Variants in VPS13B observed in about 807,000 individuals in gnomAD.
VPS13B encodes the protein vacuolar protein sorting 13 homolog B.
In VPS13B, 285 loss-of-function variants were observed where a neutral mutation model predicts 426.4. The ratio of observed to expected loss-of-function variants is 0.67; its 90% CI spans 0.61 to 0.74. The LOEUF (loss-of-function observed/expected upper bound fraction) is 0.74, where lower values mean the gene tolerates loss of function less well. Among genes scored for constraint, VPS13B ranks in the 30% least tolerant of loss-of-function variants. VPS13B has a pLI of 0.00. For missense variants in VPS13B, 4,537 were observed against 4,782.6 expected (o/e 0.95, Z 1.51); for synonymous variants, 1,676 against 1,676.4 (o/e 1.00, Z 0.01).
At chr8:99,403,233 C>A (rs983496784) in intron 21 of VPS13B, among the ~76,000 whole-genome samples, 1 of 152,110 alleles carries the variant, frequency 6.6e-6, no homozygotes, top group Non-Finnish European at 1.5e-5. Context: ...TCTGAACTCA[C>A]ATACTTAATT....
At chr8:99,290,262 C>T (rs1393946019) in intron 19 of VPS13B, among the ~76,000 whole-genome samples, 1 of 151,990 alleles carries the variant, frequency 6.6e-6, no homozygotes, top group Non-Finnish European at 1.5e-5. Flanking sequence ...ACCCAAATGT[C>T]CATCAATGAT....
intron 19 of VPS13B, among the ~76,000 whole-genome samples, chr8:99,293,236 C>T (rs899634140): frequency 1.1e-4 from 14 of 131,558 alleles, no homozygotes; most frequent in African/African-American, 2.3e-4. Context: ...GAAATAATGC[C>T]GCATACCTAC....
At chr8:99,558,088 A>G (rs1406030084) in intron 31 of VPS13B, among the ~76,000 whole-genome samples, 3 of 152,094 alleles carry the variant, frequency 2.0e-5, no homozygotes, top group Non-Finnish European at 4.4e-5. Flanking sequence ...CCAAAACTAC[A>G]TTTGTCCATG....
chr8:99,288,621 A>C (rs2133039161), intron 19 of VPS13B, among the ~76,000 whole-genome samples: 1 of 152,218 alleles, frequency 6.6e-6, no homozygotes, highest in East Asian at 1.9e-4. Flanking sequence ...AAATTTTAAG[A>C]TATCATAATT....
intron 19 of VPS13B, among the ~76,000 whole-genome samples, chr8:99,352,119 T>C (rs1247878674): frequency 1.3e-5 from 2 of 152,196 alleles, no homozygotes; most frequent in Non-Finnish European, 2.9e-5. Context: ...TCCTGTGGAA[T>C]CATAGCATTC....
chr8:99,728,951 C>T (rs1833474155), intron 39 of VPS13B, among the ~76,000 whole-genome samples: 1 of 152,136 alleles, frequency 6.6e-6, no homozygotes, highest in South Asian at 2.1e-4. Flanking sequence ...TTGCTTTATT[C>T]TTCCCTTTCA....
intron 19 of VPS13B, among the ~76,000 whole-genome samples, chr8:99,292,964 T>A (rs866628892): frequency 6.6e-6 from 1 of 152,146 alleles, no homozygotes; most frequent in Non-Finnish European, 1.5e-5. Flanking sequence ...GAAAATAGCA[T>A]GGAGTGAAGA....
At chr8:99,038,273 G>A (rs1410906814) in intron 2 of VPS13B, 150 bp from the exon 3 acceptor site, 3 of 541,824 alleles carry the variant, frequency 5.5e-6, no homozygotes, top group Non-Finnish European at 3.0e-6. Flanking sequence ...AAAGGAATTT[G>A]TATATTAGAA....
chr8:99,820,741 A>T (rs889748610), intron 49 of VPS13B, among the ~76,000 whole-genome samples: 6 of 152,168 alleles, frequency 3.9e-5, no homozygotes, highest in African/African-American at 1.4e-4. Flanking sequence ...AAATCTATTT[A>T]AAAAATAGAG....
intron 2 of VPS13B, among the ~76,000 whole-genome samples, chr8:99,014,243 T>G (rs1267810331): frequency 6.8e-6 from 1 of 147,202 alleles, no homozygotes; most frequent in African/African-American, 2.5e-5. Flanking sequence ...GTAGCCTCCC[T>G]AATAGCTGGG....
chr8:99,592,143 A>G lies in VPS13B; in HGVS notation c.5220+14510A>G, dbSNP rs187317310. ...CTTGTGCATGTGTCACGTAGCTCTC[A>G]TGCCATGGTTTTCAGCTCCATCAGG... On this transcript the variant is annotated intron_variant, in intron 33 of 61. Transcript: ENST00000357162. 6.7e-3 allele frequency among the ~76,000 whole-genome samples: 1,014 copies of G among 151,990 alleles called. 9 individuals are homozygous for G. Among genetic ancestry groups the G allele is most frequent in the African/African-American group, 0.023 (955 of 41,448 alleles).
intron 33 of VPS13B, among the ~76,000 whole-genome samples, chr8:99,606,859 C>T (rs935323336): frequency 3.9e-5 from 6 of 152,154 alleles, no homozygotes; most frequent in Admixed American, 3.9e-4. Context: ...ATCTTCGATG[C>T]CAACAGTGGC....
At chr8:99,309,097 G>A (rs1351258616) in intron 19 of VPS13B, among the ~76,000 whole-genome samples, 1 of 152,098 alleles carries the variant, frequency 6.6e-6, no homozygotes, top group Non-Finnish European at 1.5e-5. Flanking sequence ...TGTCAGATGA[G>A]TAGATTGCAA....
intron 3 of VPS13B, among the ~76,000 whole-genome samples, chr8:99,056,219 G>A (rs1843847349): frequency 6.6e-6 from 1 of 151,886 alleles, no homozygotes; most frequent in Admixed American, 6.6e-5. Context: ...ACTATGCCCG[G>A]CTAATTTTTT....
intron 28 of VPS13B, among the ~76,000 whole-genome samples, chr8:99,510,881 A>T (rs771394205): frequency 6.6e-6 from 1 of 152,124 alleles, no homozygotes; most frequent in Non-Finnish European, 1.5e-5. Context: ...CTCCCTCAAG[A>T]TCTAGAACTG....
rs532431185 is a variant in VPS13B at position 99,349,319 on chromosome 8, C to T, written c.2825-34889C>T. 1.3e-4 allele frequency among the ~76,000 whole-genome samples: 12 copies of T among 94,142 alleles called. No homozygotes were observed. The South Asian group carries it at 5.0e-3, about 39-fold the overall frequency. 61.8% of individuals were successfully genotyped at this position (94,142 alleles called of 152,430 possible). A position where few individuals can be genotyped will look rare whatever the true frequency, so the allele number is the denominator to read the frequency against. The stretch of plus-strand genomic sequence containing the variant: ...CTGCACTCCAGCCTGGGCGACAGAG[C>T]GAGACTCCGTCTCAAAAAAAAAAAA... On this transcript the variant is annotated intron_variant, in intron 19 of 61. Transcript: ENST00000357162.
At chr8:99,023,169 T>TC (rs1377436704) in intron 2 of VPS13B, among the ~76,000 whole-genome samples, 2 of 151,204 alleles carry the variant, frequency 1.3e-5, no homozygotes, top group African/African-American at 2.4e-5. Context: ...TGCTTGCCCC[T>TC]CCCACCCCTT....
Position 99,699,846 on chromosome 8 carries a change from T to C in VPS13B, c.6368T>C (p.Val2123Ala). The change falls in exon 36 of 62, where the codon GTA (valine) becomes GCA (alanine). Residue 2123 changes from valine to alanine, a missense_variant. Physicochemically the swap from Val to Ala is moderately conservative, Grantham distance 64 (BLOSUM62 0). Coordinates refer to ENST00000357162, the MANE Select transcript of VPS13B (RefSeq NM_152564.5). ...TTQIVISMET[V>A]PHTSKPCLLA... ...CAGATTGTGATCTCCATGGAAACTG[T>C]ACCCCATACCAGCAAACCATGCCTG... 1.2e-6 allele frequency: 2 copies of C among 1,613,842 alleles called. No homozygotes were observed. Among genetic ancestry groups the C allele is most frequent in the East Asian group, 2.2e-5 (1 of 44,872 alleles).
At chr8:99,412,142 G>C (rs936708737) in intron 21 of VPS13B, among the ~76,000 whole-genome samples, 3 of 152,200 alleles carry the variant, frequency 2.0e-5, no homozygotes, top group African/African-American at 7.2e-5. Context: ...ACTTTGGGCA[G>C]TTGACCATTT....
Sources: allele counts gnomAD v4.1 joint callset (sites outside exome capture counted in the v4.1 genomes callset), GRCh38; gene constraint gnomAD v4.1.1; transcripts MANE v1.5; gene names NCBI Gene and HGNC (gene_info 2026-07-23, HGNC 2026-07-21).